FHOD3: variants seen among roughly 807,000 people sequenced by gnomAD.
FHOD3 encodes the protein FH1/FH2 domain-containing protein 3.
In FHOD3, 90 loss-of-function variants were observed where a neutral mutation model predicts 173.0. The observed-to-expected ratio is 0.52, with a 90% CI of 0.44 to 0.62. The LOEUF is 0.62. FHOD3 is among the 20% of genes least tolerant of loss of function. The pLI is 0.00. For missense variants in FHOD3, 1,945 were observed against 2,034.7 expected (o/e 0.96, Z 0.85); for synonymous variants, 828 against 823.0 (o/e 1.01, Z -0.10).
intron 15 of FHOD3, among the ~76,000 whole-genome samples, chr18:36,683,115 CAA>C (rs2038365022): frequency 6.6e-6 from 1 of 152,210 alleles, no homozygotes; most frequent in Non-Finnish European, 1.5e-5. Flanking sequence ...ACATTTCTAC[CAA>C]ACGATATTTG....
chr18:36,659,934 CT>C (rs2036670918), intron 14 of FHOD3, among the ~76,000 whole-genome samples: 1 of 152,142 alleles, frequency 6.6e-6, no homozygotes, highest in South Asian at 2.1e-4. Context: ...TGAAGTGCCC[CT>C]GGGGATAAGG....
intron 3 of FHOD3, among the ~76,000 whole-genome samples, chr18:36,427,671 G>A (rs994843476): frequency 6.6e-6 from 1 of 152,158 alleles, no homozygotes; most frequent in Admixed American, 6.5e-5. Context: ...TGGCTTAAGG[G>A]TTCTTCATGG....
intron 5 of FHOD3, among the ~76,000 whole-genome samples, chr18:36,549,828 A>T (rs1198828063): frequency 6.6e-6 from 1 of 151,524 alleles, no homozygotes; most frequent in Non-Finnish European, 1.5e-5. Context: ...GATTACAGGC[A>T]TGAACCATCA....
At chr18:36,650,802 A>G (rs115348977) in intron 11 of FHOD3, among the ~76,000 whole-genome samples, 1 of 152,344 alleles carries the variant, frequency 6.6e-6, no homozygotes, top group African/African-American at 2.4e-5. Flanking sequence ...GCGGCCTTCA[A>G]AGGCATCCCT....
intron 18 of FHOD3, among the ~76,000 whole-genome samples, chr18:36,715,628 A>C (rs2040407271): frequency 6.6e-6 from 1 of 152,250 alleles, no homozygotes; most frequent in Non-Finnish European, 1.5e-5. Flanking sequence ...CAGAGTTTAC[A>C]TCCATGAAAA....
intron 24 of FHOD3, among the ~76,000 whole-genome samples, chr18:36,750,578 A>G (rs946536647): frequency 6.6e-6 from 1 of 152,148 alleles, no homozygotes; most frequent in Non-Finnish European, 1.5e-5. Context: ...TCCTATGTCC[A>G]GGATGGTATT....
chr18:36,333,339 G>A (rs943838974), intron 1 of FHOD3, among the ~76,000 whole-genome samples: 4 of 152,204 alleles, frequency 2.6e-5, no homozygotes, highest in African/African-American at 4.8e-5. Context: ...TTGACCTGCC[G>A]ACATGGAGGG....
intron 5 of FHOD3, among the ~76,000 whole-genome samples, chr18:36,544,899 C>T (rs2147183982): frequency 6.6e-6 from 1 of 152,270 alleles, no homozygotes; most frequent in East Asian, 1.9e-4. Context: ...GACAAACAAC[C>T]TAACTTCAGA....
intron 3 of FHOD3, among the ~76,000 whole-genome samples, chr18:36,482,985 T>C (rs1271383092): frequency 6.6e-6 from 1 of 152,174 alleles, no homozygotes; most frequent in Non-Finnish European, 1.5e-5. Flanking sequence ...TGAAATCTTT[T>C]CTGAGCCAGC....
chr18:36,504,674 C>G (rs893821954), intron 4 of FHOD3, among the ~76,000 whole-genome samples: 4 of 151,912 alleles, frequency 2.6e-5, no homozygotes, highest in Non-Finnish European at 5.9e-5. Context: ...AGCACACCAG[C>G]ATGGCACATG....
chr18:36,740,464 A>T (rs942224184), intron 20 of FHOD3, among the ~76,000 whole-genome samples, 192 bp from the exon 21 acceptor site: 1 of 152,112 alleles, frequency 6.6e-6, no homozygotes, highest in Non-Finnish European at 1.5e-5. Context: ...CTTGCCTAGA[A>T]TGTCCTATGT....
chr18:36,303,364 G>A (rs1022067148), intron 1 of FHOD3, among the ~76,000 whole-genome samples: 14 of 152,236 alleles, frequency 9.2e-5, no homozygotes, highest in African/African-American at 3.4e-4. Flanking sequence ...TGGGGGTGGG[G>A]TAGGGTTGAC....
chr18:36,751,641 G>T (rs2042405681), intron 24 of FHOD3, among the ~76,000 whole-genome samples: 1 of 152,078 alleles, frequency 6.6e-6, no homozygotes, highest in Admixed American at 6.6e-5. Context: ...TATATTTTGA[G>T]GTATGTTCCT....
At chr18:36,427,286 T>TAAAAAAAA (rs35854743) in intron 3 of FHOD3, among the ~76,000 whole-genome samples, 1 of 79,480 alleles carries the variant, frequency 1.3e-5, no homozygotes, top group Non-Finnish European at 2.4e-5. Flanking sequence ...CTTGCTTCTC[T>TAAAAAAAA]AAAAAAAAAA....
intron 1 of FHOD3, among the ~76,000 whole-genome samples, chr18:36,303,191 A>T (rs1178837569): frequency 1.3e-5 from 2 of 152,352 alleles, no homozygotes; most frequent in East Asian, 3.9e-4. Flanking sequence ...CAATTAACAG[A>T]TGGGGAAACT....
chr18:36,763,515 CACGTTATATATAATATGT>C (rs2043004872), intron 27 of FHOD3, among the ~76,000 whole-genome samples: 4 of 138,094 alleles, frequency 2.9e-5, no homozygotes, highest in Admixed American at 1.5e-4. Context: ...GTGTATTATA[CACGTTATATATAATATGT>C]GTATTATACA....
chr18:36,510,085 T>G lies in FHOD3; in HGVS notation c.406-2353T>G, dbSNP rs548971017. 6.6e-5 allele frequency among the ~76,000 whole-genome samples: 10 copies of G among 152,314 alleles called. No homozygotes were observed. The East Asian group carries it at 1.9e-3, about 29-fold the overall frequency. On this transcript the variant is annotated intron_variant, in intron 4 of 28. Transcript: ENST00000590592. ...CATCATCTCTCATGTTTTCTAGGTGTGGAAGTTCTTTTCCAAACTAAATTG... is the reference window on the plus strand; with the variant it reads ...CATCATCTCTCATGTTTTCTAGGTGGGGAAGTTCTTTTCCAAACTAAATTG...
At chr18:36,540,507 G>A (rs2057166730) in intron 5 of FHOD3, among the ~76,000 whole-genome samples, 1 of 152,160 alleles carries the variant, frequency 6.6e-6, no homozygotes, top group African/African-American at 2.4e-5. Flanking sequence ...ACTCCTAGGG[G>A]ACTTTTGTTT....
intron 14 of FHOD3, among the ~76,000 whole-genome samples, chr18:36,664,809 A>AGAGAGAGAGAGAGAGAGAGAGATT (rs1435825303): frequency 5.3e-5 from 8 of 150,520 alleles, no homozygotes; most frequent in Non-Finnish European, 1.2e-4. Flanking sequence ...AGAGAGAGAG[A>AGAGAGAGAGAGAGAGAGAGAGATT]GAGAGATTGA....
Sources: allele counts gnomAD v4.1 joint callset (sites outside exome capture counted in the v4.1 genomes callset), GRCh38; gene constraint gnomAD v4.1.1; transcripts MANE v1.5; gene names NCBI Gene and HGNC (gene_info 2026-07-23, HGNC 2026-07-21).